Variants in ARHGEF33 observed in about 807,000 individuals in gnomAD.
ARHGEF33 encodes DH and coiled-coil domain-containing protein ENSP00000381780.
ARHGEF33 carries 72 observed loss-of-function variants against 101.9 expected under a neutral mutation model. The observed-to-expected ratio is 0.71, with a 90% CI of 0.58 to 0.86. The LOEUF (loss-of-function observed/expected upper bound fraction) is 0.86, where lower values mean the gene tolerates loss of function less well. Ranked by LOEUF, ARHGEF33 falls within the 40% of genes least tolerant of loss-of-function variation. The pLI, the probability that ARHGEF33 is intolerant of heterozygous loss-of-function variation, is 0.00. For missense variants in ARHGEF33, 1,169 were observed against 1,111.3 expected (o/e 1.05, Z -0.74); for synonymous variants, 499 against 442.5 (o/e 1.13, Z -1.60).
intron 9 of ARHGEF33, among the ~76,000 whole-genome samples, chr2:38,939,293 C>A (rs1667239542): frequency 6.6e-6 from 1 of 152,102 alleles, no homozygotes; most frequent in Non-Finnish European, 1.5e-5. Context: ...TATTCTTGTA[C>A]AAATTTTTTT....
chr2:38,943,081 C>A (rs981840562), intron 9 of ARHGEF33, among the ~76,000 whole-genome samples: 1 of 152,154 alleles, frequency 6.6e-6, no homozygotes, highest in African/African-American at 2.4e-5. Flanking sequence ...GCGTGTGCCA[C>A]CACATCTGGT....
chr2:38,972,315 G>A (rs527476998), intron 17 of ARHGEF33, among the ~76,000 whole-genome samples: 39 of 152,274 alleles, frequency 2.6e-4, no homozygotes, highest in African/African-American at 9.1e-4. Flanking sequence ...GTTTTAGGGT[G>A]GGCCATGTGG....
intron 9 of ARHGEF33, among the ~76,000 whole-genome samples, chr2:38,939,249 C>T (rs1193970403): frequency 6.6e-6 from 1 of 152,228 alleles, no homozygotes; most frequent in Non-Finnish European, 1.5e-5. Flanking sequence ...GCTGGGATTA[C>T]AGGCGTAAGC....
intron 2 of ARHGEF33, among the ~76,000 whole-genome samples, chr2:38,901,776 T>A (rs1666246360): frequency 6.6e-6 from 1 of 152,150 alleles, no homozygotes; most frequent in Admixed American, 6.5e-5. Context: ...TGAATTCACA[T>A]CTTCCAGACT....
rs1009705595 is a variant in ARHGEF33 at position 38,974,191 on chromosome 2, T to C, written c.*348T>C. ...TGAAGTCATTCCCCGAGTATAATAC[T>C]GAGCATGTTCATATTTAACATGGAT... On this transcript the variant is annotated 3_prime_UTR_variant, in exon 18 of 18. Transcript: ENST00000409978. 1.3e-5 allele frequency: 2 copies of C among 152,662 alleles called. No individual in the cohort carries two copies. Among genetic ancestry groups the C allele is most frequent in the Admixed American group, 1.3e-4 (2 of 15,282 alleles). The allele number at this position is 152,662 out of a possible 1,614,324, so 9.5% of individuals were successfully genotyped here.
chr2:38,963,399 C>T (rs1216701184), intron 16 of ARHGEF33, among the ~76,000 whole-genome samples: 1 of 152,132 alleles, frequency 6.6e-6, no homozygotes, highest in East Asian at 1.9e-4. Context: ...ATGGTATGCT[C>T]TAGTGAGAAC....
chr2:38,950,692 C>T (rs143299497), intron 10 of ARHGEF33, among the ~76,000 whole-genome samples: 395 of 152,252 alleles, frequency 2.6e-3, no homozygotes, highest in African/African-American at 8.5e-3. Flanking sequence ...TCAGGTGATC[C>T]GCCCAACTCC....
At chr2:38,898,202 T>C (rs1043289083) in intron 2 of ARHGEF33, among the ~76,000 whole-genome samples, 14 of 152,240 alleles carry the variant, frequency 9.2e-5, no homozygotes, top group African/African-American at 2.9e-4. Flanking sequence ...CTAAATGATA[T>C]ATTATTTAAA....
intron 17 of ARHGEF33, among the ~76,000 whole-genome samples, chr2:38,972,350 G>C (rs925104949): frequency 6.6e-6 from 1 of 152,174 alleles, no homozygotes; most frequent in South Asian, 2.1e-4. Context: ...GAGAACTCGG[G>C]GGGGTTCCTG....
At chr2:38,968,594 A>G (rs1193979476) in intron 17 of ARHGEF33, among the ~76,000 whole-genome samples, 1 of 152,160 alleles carries the variant, frequency 6.6e-6, no homozygotes, top group Non-Finnish European at 1.5e-5. Flanking sequence ...GCTGTTCGGG[A>G]TTCTCCTTAG....
intron 2 of ARHGEF33, among the ~76,000 whole-genome samples, chr2:38,914,907 A>G (rs1278508469): frequency 1.3e-5 from 2 of 151,460 alleles, no homozygotes; most frequent in African/African-American, 4.9e-5. Context: ...CTCTGCTCAA[A>G]CAGCCACAAT....
chr2:38,916,931 G>A (rs996759491), intron 2 of ARHGEF33, among the ~76,000 whole-genome samples: 1 of 151,856 alleles, frequency 6.6e-6, no homozygotes, highest in Non-Finnish European at 1.5e-5. Flanking sequence ...CTCCTGAGTA[G>A]CTGGGATTAC....
chr2:38,902,702 C>T (rs1666276553), intron 2 of ARHGEF33, among the ~76,000 whole-genome samples: 1 of 152,186 alleles, frequency 6.6e-6, no homozygotes. Flanking sequence ...AAGGCCTATT[C>T]TGTGCTGGAC....
At chr2:38,952,239 A>C (rs1572771824) in intron 11 of ARHGEF33, among the ~76,000 whole-genome samples, 1 of 152,268 alleles carries the variant, frequency 6.6e-6, no homozygotes, top group Admixed American at 6.5e-5. Context: ...TACAAAGTTT[A>C]CAAATTATTT....
intron 10 of ARHGEF33, among the ~76,000 whole-genome samples, chr2:38,947,433 G>A (rs770126109): frequency 1.3e-5 from 2 of 152,178 alleles, no homozygotes; most frequent in Non-Finnish European, 2.9e-5. Context: ...CGCCCAGGCT[G>A]GAGAAGGGTG....
intron 2 of ARHGEF33, among the ~76,000 whole-genome samples, chr2:38,918,674 A>G (rs1182329704): frequency 6.6e-6 from 1 of 152,194 alleles, no homozygotes; most frequent in African/African-American, 2.4e-5. Context: ...AAGGCTATCA[A>G]GGAACATACT....
intron 2 of ARHGEF33, among the ~76,000 whole-genome samples, chr2:38,914,443 G>A (rs781224504): frequency 1.3e-5 from 2 of 152,144 alleles, no homozygotes; most frequent in East Asian, 1.9e-4. Flanking sequence ...TGAGCCAAGC[G>A]GATCACCTGA....
chr2:38,896,950 C>G (rs1666135417), intron 2 of ARHGEF33, among the ~76,000 whole-genome samples: 1 of 152,130 alleles, frequency 6.6e-6, no homozygotes, highest in Non-Finnish European at 1.5e-5. Context: ...GAGTCTCACT[C>G]TGTCACCCAG....
Position 38,928,134 on chromosome 2 carries a change from A to C in ARHGEF33, c.76-773A>C, listed in dbSNP as rs1203690188. ...ATGAGGAAACTGCTACAAAAAAGTT[A>C]ACCAACATGCCTAAGGTCCTAGTAC... On this transcript the variant is annotated intron_variant, in intron 4 of 17. Transcript: ENST00000409978. Among the ~76,000 whole-genome samples, 4 of 152,202 alleles carry C rather than the reference A, an allele frequency of 2.6e-5. No homozygotes were observed. The East Asian group carries it at 7.7e-4, about 29-fold the overall frequency.
Sources: allele counts gnomAD v4.1 joint callset (sites outside exome capture counted in the v4.1 genomes callset), GRCh38; gene constraint gnomAD v4.1.1; transcripts MANE v1.5; gene names NCBI Gene and HGNC (gene_info 2026-07-23, HGNC 2026-07-21).